Variants in PLXNA4 observed in about 807,000 individuals in gnomAD.
The protein encoded by PLXNA4 is plexin A4, also known as plexin-A4.
In PLXNA4, 44 loss-of-function variants were observed where a neutral mutation model predicts 191.8. The observed-to-expected ratio is 0.23, with a 90% CI of 0.18 to 0.29. The LOEUF (loss-of-function observed/expected upper bound fraction) is 0.29. Ranked by LOEUF, PLXNA4 falls within the 10% of genes least tolerant of loss-of-function variation. The pLI is 1.00. For synonymous variants in PLXNA4, 1,082 were observed against 1,009.5 expected, an observed-to-expected ratio of 1.07 and a Z score of -1.36; for missense variants, 1,800 against 2,488.8, an observed-to-expected ratio of 0.72 and a Z score of 5.89.
At chr7:132,473,157 G>A (rs1381567722) in intron 3 of PLXNA4, among the ~76,000 whole-genome samples, 1 of 152,220 alleles carries the variant, frequency 6.6e-6, no homozygotes, top group African/African-American at 2.4e-5. Flanking sequence ...CTCTTGCAGT[G>A]AGTCAGTGGC....
At chr7:132,165,227 C>A (rs200348555) in intron 22 of PLXNA4, 27 bp from the exon 23 acceptor site, 2 of 1,603,766 alleles carry the variant, frequency 1.2e-6, no homozygotes, top group Non-Finnish European at 1.7e-6. Context: ...AGGGAACCAA[C>A]GGAACAAGAC....
intron 25 of PLXNA4, among the ~76,000 whole-genome samples, chr7:132,149,206 C>T (rs1252445289): frequency 5.3e-5 from 8 of 152,182 alleles, no homozygotes; most frequent in East Asian, 3.9e-4. Flanking sequence ...CCCATTCTCA[C>T]GCCCATGAAC....
At chr7:132,585,982 A>C (rs925201311) in intron 2 of PLXNA4, among the ~76,000 whole-genome samples, 2 of 152,202 alleles carry the variant, frequency 1.3e-5, no homozygotes, top group African/African-American at 4.8e-5. Flanking sequence ...CTAACTCAAC[A>C]AGGCTGTGAG....
At chr7:132,352,104 A>G (rs562609021) in intron 3 of PLXNA4, among the ~76,000 whole-genome samples, 1 of 152,300 alleles carries the variant, frequency 6.6e-6, no homozygotes, top group South Asian at 2.1e-4. Context: ...CAGCTGGAAT[A>G]GGGTCCCTGC....
chr7:132,205,499 G>C lies in PLXNA4; in HGVS notation c.2299-2080C>G, dbSNP rs114003656. 6.5e-3 allele frequency among the ~76,000 whole-genome samples: 987 copies of C among 152,240 alleles called. 13 individuals are homozygous for C. The highest frequency in any genetic ancestry group is 0.023 in the African/African-American group (937 of 41,536). On this transcript the variant is annotated intron_variant, in intron 10 of 31. Transcript: ENST00000321063. ...ATGCCCTCCTTCCTTGTGTGTGTTTGTGTGTTTGTGTGTGTGTGAGAGAGA... is the reference window on the plus strand; with the variant it reads ...ATGCCCTCCTTCCTTGTGTGTGTTTCTGTGTTTGTGTGTGTGTGAGAGAGA...
rs143452224 is a variant in PLXNA4 at position 132,521,177 on chromosome 7, T to TAA, written c.-86-12399_-86-12398insTT. ...GCTGAACGGAGATATATTTGCTCCTTGAAAAAAAAAAAAAAAAAAAAAAAA... is the reference window on the plus strand; with the variant it reads ...GCTGAACGGAGATATATTTGCTCCTTAAGAAAAAAAAAAAAAAAAAAAAAAAA... On this transcript the variant is annotated intron_variant, in intron 1 of 31. Coordinates refer to ENST00000321063, the MANE Select transcript of PLXNA4 (RefSeq NM_020911.2). Among the ~76,000 whole-genome samples the TAA allele has an allele frequency of 1.6e-3, 189 of 115,600 alleles. 14 individuals carry two copies. The highest frequency in any genetic ancestry group is 3.8e-3 in the African/African-American group (116 of 30,516). The allele number at this position is 115,600 out of a possible 152,430, so 75.8% of individuals were successfully genotyped here.
rs569592996 is a variant in PLXNA4, at chr7:132,405,273, G to T, written c.1371+84019C>A. On this transcript the variant is annotated intron_variant, in intron 3 of 31. Coordinates refer to ENST00000321063, the MANE Select transcript of PLXNA4 (RefSeq NM_020911.2). ...AAGTCTGGGTTTGAAATGGGCTACC[G>T]CAATGCCGAGTTTTGGGTTCCTTGT... Among the ~76,000 whole-genome samples the T allele has an allele frequency of 2.2e-4, 33 of 152,198 alleles. No homozygotes were observed. The South Asian group carries it at 6.6e-3, about 31-fold the overall frequency.
At chr7:132,510,341 G>T (rs1225212405) in intron 1 of PLXNA4, among the ~76,000 whole-genome samples, 1 of 152,212 alleles carries the variant, frequency 6.6e-6, no homozygotes, top group African/African-American at 2.4e-5. Flanking sequence ...TGCATTGTCA[G>T]CCAGCATCCT....
intron 4 of PLXNA4, among the ~76,000 whole-genome samples, chr7:132,258,131 C>T (rs1363587226): frequency 6.6e-6 from 1 of 152,262 alleles, no homozygotes; most frequent in Non-Finnish European, 1.5e-5. Context: ...TGTCGGGTCA[C>T]TGAGACTCAG....
At chr7:132,580,229 G>A (rs1430785052), upstream of PLXNA4, among the ~76,000 whole-genome samples, 1 of 152,052 alleles carries the variant, frequency 6.6e-6, no homozygotes, top group African/African-American at 2.4e-5. Context: ...TACAATGAGG[G>A]TAGGCCTTCT....
intron 2 of PLXNA4, among the ~76,000 whole-genome samples, chr7:132,611,390 C>G (rs1244734108): frequency 1.3e-5 from 2 of 152,210 alleles, no homozygotes; most frequent in Non-Finnish European, 2.9e-5. Context: ...CTTTGGCAAA[C>G]ATATCTTAAC....
rs770304529 is a variant in PLXNA4, at chr7:132,182,087, C to G, written c.3252+10G>C. ...GCAGCCTCCATGAACCCCATCAGCC[C>G]TACACTCACATTGATGTGCTCCTTC... On this transcript the variant is annotated intron_variant, in intron 17 of 31. Coordinates refer to ENST00000321063, the MANE Select transcript of PLXNA4 (RefSeq NM_020911.2). The G allele has an allele frequency of 6.2e-7, 1 of 1,614,156 alleles. No individual in the cohort carries two copies. The highest frequency in any genetic ancestry group is 8.5e-7 in the Non-Finnish European group (1 of 1,180,044).
At chr7:132,421,883 C>G (rs895621480) in intron 3 of PLXNA4, among the ~76,000 whole-genome samples, 1 of 152,134 alleles carries the variant, frequency 6.6e-6, no homozygotes, top group African/African-American at 2.4e-5. Context: ...ACTGAGATGT[C>G]AAATACATCA....
intron 1 of PLXNA4, among the ~76,000 whole-genome samples, chr7:132,522,436 A>C (rs1799226513): frequency 6.6e-6 from 1 of 152,116 alleles, no homozygotes; most frequent in Non-Finnish European, 1.5e-5. Flanking sequence ...TCCTCTCTCT[A>C]TGCCTCAGAT....
At chr7:132,629,010 T>C (rs555607045) in intron 2 of PLXNA4, among the ~76,000 whole-genome samples, 24 of 152,370 alleles carry the variant, frequency 1.6e-4, no homozygotes, top group African/African-American at 4.6e-4. Context: ...CAAATGCTGA[T>C]TGAAAGCTCT....
At chr7:132,481,443 G>A (rs539060962) in intron 3 of PLXNA4, among the ~76,000 whole-genome samples, 2 of 152,178 alleles carry the variant, frequency 1.3e-5, no homozygotes, top group Non-Finnish European at 2.9e-5. Flanking sequence ...GGATTAGACC[G>A]TGTGACCTCT....
rs770819163 is a variant in PLXNA4 at position 132,202,640 on chromosome 7, G to A, written c.2586+6C>T. Reference sequence around the variant, plus strand: ...ATTTGGAGCAGGAGGCCCGACCCCGGCTTACCTCTGTGATGCGGGGGTTTG... The same window carrying A: ...ATTTGGAGCAGGAGGCCCGACCCCGACTTACCTCTGTGATGCGGGGGTTTG... On this transcript the variant is annotated splice_donor_region_variant and intron_variant, in intron 12 of 31. Transcript: ENST00000321063. 6.7e-6 allele frequency: 10 copies of A among 1,482,942 alleles called. No homozygotes were observed. Among genetic ancestry groups the A allele is most frequent in the Non-Finnish European group, 9.0e-6 (10 of 1,110,680 alleles). The allele number at this position is 1,482,942 out of a possible 1,614,324, so 91.9% of individuals were successfully genotyped here.
At chr7:132,479,044 G>A (rs916641407) in intron 3 of PLXNA4, among the ~76,000 whole-genome samples, 3 of 152,028 alleles carry the variant, frequency 2.0e-5, no homozygotes, top group Non-Finnish European at 2.9e-5. Context: ...GAGGTGGGAG[G>A]ATTGCTTGAG....
At chr7:132,560,056 C>T (rs1051384979) in intron 1 of PLXNA4, among the ~76,000 whole-genome samples, 6 of 152,216 alleles carry the variant, frequency 3.9e-5, no homozygotes, top group Non-Finnish European at 8.8e-5. Context: ...TACCTGCAGG[C>T]TTTGATTGTG....
Sources: gnomAD v4.1 joint callset for allele counts (sites outside exome capture counted in the v4.1 genomes callset) on GRCh38, gnomAD v4.1.1 for gene constraint, MANE v1.5 for transcripts, NCBI Gene and HGNC (gene_info 2026-07-23, HGNC 2026-07-21) for gene names.